HSF5: variants seen among roughly 807,000 people sequenced by gnomAD.
HSF5 encodes the protein heat shock factor protein 5.
A neutral mutation model predicts 50.8 loss-of-function variants in HSF5; 5 were observed. The observed-to-expected ratio is 0.10, with a 90% CI of 0.05 to 0.21. The LOEUF is 0.21. Among genes scored for constraint, HSF5 ranks in the 10% least tolerant of loss-of-function variants. The probability of loss-of-function intolerance (pLI) is 1.00; values close to 1 mark genes in which losing one functional copy is unlikely to be tolerated. For synonymous variants in HSF5, 307 were observed against 307.4 expected, an observed-to-expected ratio of 1.00 and a Z score of 0.02; for missense variants, 564 against 762.6, an observed-to-expected ratio of 0.74 and a Z score of 3.07.
chr17:58,447,609 A>T (rs1161096260), intron 5 of HSF5, among the ~76,000 whole-genome samples: 1 of 152,088 alleles, frequency 6.6e-6, no homozygotes, highest in African/African-American at 2.4e-5. Context: ...ACTCTCCCTG[A>T]TCTTCCTCAA....
intron 5 of HSF5, among the ~76,000 whole-genome samples, chr17:58,433,992 C>G (rs1239350575): frequency 7.2e-6 from 1 of 138,434 alleles, no homozygotes; most frequent in Non-Finnish European, 1.5e-5. Flanking sequence ...TGGCTCAGTG[C>G]AACCTCCGCC....
At chr17:58,472,635 C>T (rs1350158796) in intron 2 of HSF5, among the ~76,000 whole-genome samples, 2 of 152,148 alleles carry the variant, frequency 1.3e-5, no homozygotes, top group Non-Finnish European at 2.9e-5. Context: ...AATGAGGCCA[C>T]ATAACATGAT....
Position 58,480,116 on chromosome 17 carries a change from G to T in HSF5, c.702C>A (p.Ser234=), listed in dbSNP as rs1975077028. The T allele has an allele frequency of 1.2e-6, 2 of 1,614,082 alleles. No homozygotes were observed. Among genetic ancestry groups the T allele is most frequent in the Non-Finnish European group, 1.7e-6 (2 of 1,179,992 alleles). Residue 234 remains serine, a synonymous_variant, in exon 2 of 6, where the codon TCC becomes TCA. Coordinates refer to ENST00000323777, the MANE Select transcript of HSF5 (RefSeq NM_001080439.3). ...TPVPHRIWQN[S]LGMHPGQVET... is the part of the protein sequence containing the mutation. ...CCACTTGTCCAGGATGCATTCCAAG[G>T]GAGTTCTGCCATATTCTATGAGGAA...
intron 2 of HSF5, among the ~76,000 whole-genome samples, chr17:58,475,249 G>C (rs1280992184): frequency 6.6e-6 from 1 of 152,154 alleles, no homozygotes; most frequent in Non-Finnish European, 1.5e-5. Context: ...AGAAAATAGT[G>C]AGTACTATTA....
intron 5 of HSF5, among the ~76,000 whole-genome samples, chr17:58,446,979 G>C (rs1368013106): frequency 7.2e-5 from 11 of 152,134 alleles, no homozygotes; most frequent in Non-Finnish European, 1.6e-4. Flanking sequence ...GCAAAAATTA[G>C]CCAGGTGTGG....
At chr17:58,426,624 A>G (rs1974299470) in intron 5 of HSF5, among the ~76,000 whole-genome samples, 1 of 152,204 alleles carries the variant, frequency 6.6e-6, no homozygotes. Flanking sequence ...TATTTTCTTC[A>G]GGAATGAATT....
Position 58,422,359 on chromosome 17 carries a change from C to T in HSF5, c.*1G>A, listed in dbSNP as rs201671646. On this transcript the variant is annotated 3_prime_UTR_variant, in exon 6 of 6. Transcript: ENST00000323777. Reference sequence around the variant, plus strand: ...ACAATGTCACATTTGTCATCCATTCCTCACTCTTTTAATTCTTCCTCCTTT... The same window carrying T: ...ACAATGTCACATTTGTCATCCATTCTTCACTCTTTTAATTCTTCCTCCTTT... 23 of 1,611,272 alleles carry T rather than the reference C, an allele frequency of 1.4e-5. No individual in the cohort carries two copies. In the East Asian group the frequency reaches 4.5e-4, roughly 31 times the overall value.
rs763878701 is a variant in HSF5, at chr17:58,488,068, G to C, written c.207C>G (p.Pro69=). ...GGGTAGAGAE[P]ELFKTTSFTS... is the part of the protein sequence containing the mutation. Reference sequence around the variant, plus strand: ...TGAAGCTGGTGGTTTTGAAGAGCTCGGGCTCGGCCCCGGCCCCCGCAGTCC... The same window carrying C: ...TGAAGCTGGTGGTTTTGAAGAGCTCCGGCTCGGCCCCGGCCCCCGCAGTCC... Residue 69 remains proline (P), a synonymous_variant, in exon 1 of 6, where the codon CCC becomes CCG. Coordinates refer to ENST00000323777, the MANE Select transcript of HSF5 (RefSeq NM_001080439.3). This position sits in a 1 kb window ranked among gnomAD's most constrained non-coding sequence, Gnocchi z 4.1. 1.0e-5 allele frequency: 16 copies of C among 1,592,722 alleles called. No homozygotes were observed. The highest frequency in any genetic ancestry group is 1.1e-5 in the South Asian group (1 of 89,204).
At chr17:58,424,435 A>AC (rs1974266079) in intron 5 of HSF5, among the ~76,000 whole-genome samples, 3 of 151,856 alleles carry the variant, frequency 2.0e-5, no homozygotes, top group Non-Finnish European at 2.9e-5. Flanking sequence ...ATATGGTGAA[A>AC]CCCCATCTCT....
chr17:58,451,736 T>C (rs1243576561), intron 5 of HSF5, among the ~76,000 whole-genome samples: 1 of 151,968 alleles, frequency 6.6e-6, no homozygotes, highest in Non-Finnish European at 1.5e-5. Context: ...ATCAAAAAGG[T>C]ATAGAGACTT....
rs1422548118 is a variant in HSF5 at position 58,480,136 on chromosome 17, G to A, written c.682C>T (p.His228Tyr). 2 of 1,614,188 alleles carry A rather than the reference G, an allele frequency of 1.2e-6. No homozygotes were observed. Among genetic ancestry groups the A allele is most frequent in the Admixed American group, 1.7e-5 (1 of 60,026 alleles). Residue 228 changes from histidine (H) to tyrosine (Y), a missense_variant, in exon 2 of 6, where the codon CAT becomes TAT. By Grantham distance (83) the His-to-Tyr change is moderately conservative. Transcript: ENST00000323777. ...CCAAGGGAGTTCTGCCATATTCTAT[G>A]AGGAACTGGGGTCCGATCTAAACCT... ...LKGLDRTPVP[H>Y]RIWQNSLGMH...
chr17:58,460,354 G>A (rs79071389), intron 4 of HSF5, among the ~76,000 whole-genome samples: 2,456 of 151,944 alleles, frequency 0.016, 38 homozygotes, highest in South Asian at 0.042. Flanking sequence ...ATTTTCTTTG[G>A]AATGTAAATC....
At position 58,487,961 on chromosome 17, in the gene HSF5, T is replaced by C. The variant is rs1377211747; in HGVS notation, c.314A>G (p.Asn105Ser). 2.5e-6 allele frequency: 4 copies of C among 1,611,234 alleles called. No homozygotes were observed. Among genetic ancestry groups the C allele is most frequent in the Admixed American group, 1.7e-5 (1 of 59,910 alleles). Residue 105 changes from asparagine (N) to serine (S), a missense_variant, in exon 1 of 6, where the codon AAT becomes AGT. Coordinates refer to ENST00000323777, the MANE Select transcript of HSF5 (RefSeq NM_001080439.3). ...GTTGTGGAAGTGATGGAGCGGCCCA[T>C]TGCCTGCCGGTTTGCCGCCCCCCGG... Reference protein sequence around the residue: ...GGPGGGKPAGNGPLHHFHNPH... With the variant: ...GGPGGGKPAGSGPLHHFHNPH...
At chr17:58,476,969 G>A (rs950880058) in intron 2 of HSF5, 12 of 627,146 alleles carry the variant, frequency 1.9e-5, no homozygotes, top group South Asian at 1.9e-5. Flanking sequence ...GTTGGGAGAC[G>A]GGGGCGGGGG....
intron 5 of HSF5, among the ~76,000 whole-genome samples, chr17:58,454,547 C>T (rs1020664247): frequency 2.0e-5 from 3 of 152,144 alleles, no homozygotes; most frequent in Non-Finnish European, 2.9e-5. Context: ...GTCTAATTGT[C>T]CTTGTTTGTG....
At chr17:58,466,843 CA>C (rs1460927061) in intron 3 of HSF5, 41 bp downstream of exon 3, 1 of 1,213,422 alleles carries the variant, frequency 8.2e-7, no homozygotes, top group Non-Finnish European at 1.2e-6. Context: ...GATAAAATTG[CA>C]CATAAAGCGC....
intron 2 of HSF5, among the ~76,000 whole-genome samples, chr17:58,478,688 CCT>C (rs1230951394): frequency 1.3e-5 from 2 of 151,098 alleles, no homozygotes; most frequent in Non-Finnish European, 2.9e-5. Context: ...ATGGTGAAAC[CCT>C]GTCTCTACTA....
intron 5 of HSF5, among the ~76,000 whole-genome samples, chr17:58,440,551 T>C (rs1409372031): frequency 6.6e-6 from 1 of 152,228 alleles, no homozygotes; most frequent in Non-Finnish European, 1.5e-5. Flanking sequence ...CTTCAAATAC[T>C]ATGTCCAGCA....
At chr17:58,485,315 C>A (rs1488837691) in intron 1 of HSF5, among the ~76,000 whole-genome samples, 1 of 152,076 alleles carries the variant, frequency 6.6e-6, no homozygotes, top group South Asian at 2.1e-4. Context: ...ACTCTCCTAG[C>A]TGAAGGTGAA....
Sources: allele counts gnomAD v4.1 joint callset (sites outside exome capture counted in the v4.1 genomes callset), GRCh38; gene constraint gnomAD v4.1.1; non-coding constraint Gnocchi (gnomAD v3.1); transcripts MANE v1.5; gene names NCBI Gene and HGNC (gene_info 2026-07-23, HGNC 2026-07-21).